The following FER1L6 variants were observed in gnomAD, a reference collection of about 807,000 sequenced individuals.
FER1L6 encodes the protein fer-1-like protein 6.
Under a neutral mutation model 219.2 loss-of-function variants are expected in FER1L6, and 177 were observed. The ratio of observed to expected loss-of-function variants is 0.81; its 90% confidence interval spans 0.71 to 0.91. The LOEUF is 0.91. FER1L6 is among the 40% of genes least tolerant of loss of function. The pLI is 0.00. For missense variants in FER1L6, 2,153 were observed against 2,259.9 expected, an observed-to-expected ratio of 0.95 and a Z score of 0.96; for synonymous variants, 768 against 824.3, an observed-to-expected ratio of 0.93 and a Z score of 1.17.
At chr8:123,927,697 C>G (rs917220868) in intron 1 of FER1L6, among the ~76,000 whole-genome samples, 1 of 152,162 alleles carries the variant, frequency 6.6e-6, no homozygotes, top group Non-Finnish European at 1.5e-5. Context: ...TATTATCTTA[C>G]TTTATTGACG....
chr8:123,994,170 A>T (rs111432221), intron 12 of FER1L6, among the ~76,000 whole-genome samples: 8 of 152,310 alleles, frequency 5.3e-5, no homozygotes, highest in African/African-American at 1.9e-4. Flanking sequence ...TGCTTGCCTT[A>T]TGCTGCCCAG....
chr8:123,923,978 G>C (rs1813464566), intron 1 of FER1L6, among the ~76,000 whole-genome samples: 1 of 151,188 alleles, frequency 6.6e-6, no homozygotes, highest in Admixed American at 6.6e-5. Context: ...AATCTGGCTG[G>C]GCATGGTGGC....
intron 1 of FER1L6, among the ~76,000 whole-genome samples, chr8:123,935,169 TTCTCC>T (rs986712274): frequency 2.6e-5 from 4 of 152,190 alleles, no homozygotes; most frequent in African/African-American, 7.2e-5. Flanking sequence ...AAAAATATAT[TTCTCC>T]TCTCCTTTCC....
chr8:123,873,004 A>G (rs1280762807), intron 1 of FER1L6, among the ~76,000 whole-genome samples: 2 of 152,164 alleles, frequency 1.3e-5, no homozygotes, highest in Non-Finnish European at 1.5e-5. Flanking sequence ...GAGTCACAAA[A>G]TCCTGCTAAG....
intron 1 of FER1L6, among the ~76,000 whole-genome samples, chr8:123,864,790 G>A (rs1369596485): frequency 6.7e-6 from 1 of 150,208 alleles, no homozygotes; most frequent in Non-Finnish European, 1.5e-5. Flanking sequence ...TGAGGCTTCT[G>A]CATTCTTCAC....
intron 1 of FER1L6, among the ~76,000 whole-genome samples, chr8:123,888,187 G>T (rs1335142140): frequency 2.6e-5 from 4 of 151,810 alleles, no homozygotes; most frequent in Admixed American, 2.0e-4. Context: ...CACGATCTTG[G>T]CTCACTGCAA....
intron 1 of FER1L6, among the ~76,000 whole-genome samples, chr8:123,865,618 C>G (rs1482906959): frequency 6.6e-6 from 1 of 151,274 alleles, no homozygotes; most frequent in Non-Finnish European, 1.5e-5. Context: ...GACCGCTGTG[C>G]TAGCAATCAG....
At chr8:124,082,555 G>T (rs546770714) in intron 33 of FER1L6, 97 bp downstream of exon 33, 6 of 1,128,358 alleles carry the variant, frequency 5.3e-6, no homozygotes, top group Non-Finnish European at 6.4e-6. Context: ...CTCTAGGAAG[G>T]CCAGACCAGG....
intron 9 of FER1L6, among the ~76,000 whole-genome samples, chr8:123,976,782 C>T (rs879652442): frequency 6.6e-6 from 1 of 152,132 alleles, no homozygotes; most frequent in Non-Finnish European, 1.5e-5. Flanking sequence ...TGACCTGTTC[C>T]ACAATCTCCT....
chr8:124,022,142 CAG>C (rs1451843006), intron 17 of FER1L6, among the ~76,000 whole-genome samples: 1 of 152,222 alleles, frequency 6.6e-6, no homozygotes, highest in Non-Finnish European at 1.5e-5. Context: ...ACTTCTAAAA[CAG>C]GGTTTGATGT....
chr8:123,903,441 G>A (rs1233668440), intron 1 of FER1L6, among the ~76,000 whole-genome samples: 1 of 152,178 alleles, frequency 6.6e-6, no homozygotes, highest in African/African-American at 2.4e-5. Context: ...TGATGAATCT[G>A]ATTTTTCTGA....
At chr8:124,056,566 G>C (rs1353519289) in intron 22 of FER1L6, among the ~76,000 whole-genome samples, 2 of 152,164 alleles carry the variant, frequency 1.3e-5, no homozygotes, top group Non-Finnish European at 2.9e-5. Context: ...TCTTATTAGA[G>C]GTCTGAGTTA....
intron 10 of FER1L6, among the ~76,000 whole-genome samples, chr8:123,977,933 C>A (rs1361385705): frequency 1.3e-5 from 2 of 152,236 alleles, no homozygotes; most frequent in Non-Finnish European, 2.9e-5. Context: ...GTAATACTCA[C>A]TTGCCTGCTG....
rs565808023 is a variant in FER1L6, at chr8:123,973,323, G to T, written c.448-111G>T. 9.3e-5 allele frequency: 77 copies of T among 824,096 alleles called. No homozygotes were observed. The African/African-American group carries it at 1.2e-3, about 12-fold the overall frequency. The allele number at this position is 824,096 out of a possible 1,614,324, so 51.0% of individuals were successfully genotyped here. A position where few individuals can be genotyped will look rare whatever the true frequency, so the allele number is the denominator to read the frequency against. ...TCTGGAGGTCCTTTACAGCCTTGTG[G>T]TTTGATGGCCAAACTCCACTGTGCT... On this transcript the variant is annotated intron_variant, in intron 6 of 40. Transcript: ENST00000522917.
At chr8:124,119,551 C>A in intron 40 of FER1L6, 56 bp from the exon 41 acceptor site, 1 of 1,168,146 alleles carries the variant, frequency 8.6e-7, no homozygotes, top group East Asian at 2.3e-5. Context: ...GGGTCTTAAG[C>A]ATTCTGAGTG....
chr8:124,090,332 TCAGA>T (rs1255111032), intron 33 of FER1L6, among the ~76,000 whole-genome samples: 3 of 152,206 alleles, frequency 2.0e-5, no homozygotes, highest in African/African-American at 7.2e-5. Context: ...AGAATTCCAT[TCAGA>T]CAGTGATTAG....
intron 1 of FER1L6, among the ~76,000 whole-genome samples, chr8:123,890,857 G>A (rs759171335): frequency 6.8e-6 from 1 of 147,354 alleles, no homozygotes; most frequent in Admixed American, 6.8e-5. Context: ...TAAAAAGTAG[G>A]TGAGAATAAA....
rs752609830 is a variant in FER1L6 at position 124,076,300 on chromosome 8, A to C, written c.4195A>C (p.Lys1399Gln). The C allele has an allele frequency of 1.9e-6, 3 of 1,613,648 alleles. No homozygotes were observed. Among genetic ancestry groups the C allele is most frequent in the South Asian group, 1.1e-5 (1 of 91,056 alleles). Residue 1399 changes from lysine to glutamine, a missense_variant, in exon 32 of 41, where the codon AAA (lysine) becomes CAA (glutamine). Coordinates refer to ENST00000522917, the MANE Select transcript of FER1L6 (RefSeq NM_001039112.2). ...EIKDRDKYIPKQLNPVFGRSF... is the reference protein window; with the variant it reads ...EIKDRDKYIPQQLNPVFGRSF... ...CAAAGACCGGGATAAATACATCCCT[A>C]AACAACTGAACCCAGTATTTGGAAG... is the stretch of plus-strand genomic sequence containing the variant.
At chr8:123,886,244 G>T (rs4242347) in intron 1 of FER1L6, among the ~76,000 whole-genome samples, 116,699 of 152,036 alleles carry the variant, frequency 0.77, 45,048 homozygotes, top group South Asian at 0.86. Context: ...ACACTCAAGT[G>T]GAAATTTGCT....
Sources: gnomAD v4.1 joint callset for allele counts (sites outside exome capture counted in the v4.1 genomes callset) on GRCh38, gnomAD v4.1.1 for gene constraint, MANE v1.5 for transcripts, NCBI Gene and HGNC (gene_info 2026-07-23, HGNC 2026-07-21) for gene names.